KCNQ2: variants seen among roughly 807,000 people sequenced by gnomAD.
KCNQ2 encodes the protein potassium voltage-gated channel subfamily Q member 2.
Under a neutral mutation model 84.8 loss-of-function variants are expected in KCNQ2, and 14 were observed. The ratio of observed to expected loss-of-function variants is 0.17; its 90% CI spans 0.11 to 0.26. The LOEUF (loss-of-function observed/expected upper bound fraction) is 0.26. Ranked by LOEUF, KCNQ2 falls within the 10% of genes least tolerant of loss-of-function variation. The pLI is 1.00. For missense variants in KCNQ2, 788 were observed against 1,254.0 expected, an observed-to-expected ratio of 0.63 and a Z score of 5.61; for synonymous variants, 599 against 554.1, an observed-to-expected ratio of 1.08 and a Z score of -1.14.
chr20:63,417,835 C>A (rs1032913045), intron 12 of KCNQ2, among the ~76,000 whole-genome samples: 1 of 152,190 alleles, frequency 6.6e-6, no homozygotes, highest in Non-Finnish European at 1.5e-5. Context: ...GGCAGACACA[C>A]CCTGCTGGAC....
rs779048799 is a variant in KCNQ2 at position 63,414,044 on chromosome 20, C to T, written c.1631+44G>A. The T allele has an allele frequency of 1.4e-6, 2 of 1,444,412 alleles. No individual in the cohort carries two copies. The highest frequency in any genetic ancestry group is 9.7e-7 in the Non-Finnish European group (1 of 1,026,632). 89.5% of individuals were successfully genotyped at this position (1,444,412 alleles called of 1,614,324 possible). ...GCAGGCAGGACCACCGAGCGGGAGG[C>T]CCCTCCTCACTCCCCCAGGCTCCCG... On this transcript the variant is annotated intron_variant, in intron 14 of 16. Transcript: ENST00000359125. This position sits in a 1 kb window ranked among gnomAD's most constrained non-coding sequence, Gnocchi z 6.6.
At chr20:63,470,145 G>A (rs936380309) in intron 1 of KCNQ2, among the ~76,000 whole-genome samples, 6 of 152,284 alleles carry the variant, frequency 3.9e-5, no homozygotes, top group East Asian at 1.9e-4. Context: ...CTCCAGCCCC[G>A]CCGCTTAGAA....
chr20:63,433,753 A>C (rs2080898842), intron 8 of KCNQ2, 56 bp downstream of exon 8: 1 of 1,613,240 alleles, frequency 6.2e-7, no homozygotes, highest in Non-Finnish European at 8.5e-7. Flanking sequence ...GTTTAAGAAC[A>C]AATGGAAAAT....
At chr20:63,419,580 T>C in intron 12 of KCNQ2, 39 bp downstream of exon 12, 1 of 1,587,002 alleles carries the variant, frequency 6.3e-7, no homozygotes, top group Non-Finnish European at 8.6e-7. Context: ...AGAGGAGCCG[T>C]GCAGCAGCCG....
rs540854321 is a variant in KCNQ2 at position 63,400,740 on chromosome 20, G to C, written c.*5904C>G. The C allele has an allele frequency of 1.0e-3, 415 of 398,508 alleles. No homozygotes were observed. The highest frequency in any genetic ancestry group is 2.6e-3 in the Admixed American group (59 of 22,736). 24.7% of individuals were successfully genotyped at this position (398,508 alleles called of 1,614,324 possible). The stretch of plus-strand genomic sequence containing the variant: ...GGCACACGTGGGCCGTGTGGATCCC[G>C]GGCAGAGGGATGGCGTCCAGCGGGA... On this transcript the variant is annotated 3_prime_UTR_variant, in exon 17 of 17. Transcript: ENST00000359125. This position sits in a 1 kb window ranked among gnomAD's most constrained non-coding sequence, Gnocchi z 8.7.
intron 11 of KCNQ2, among the ~76,000 whole-genome samples, chr20:63,420,871 CTGTT>C (rs111612722): frequency 0.012 from 1,788 of 152,302 alleles, 39 homozygotes; most frequent in African/African-American, 0.041. Context: ...AGGCTGGACT[CTGTT>C]TGCTGGTTAA....
At chr20:63,442,888 C>A (rs1004897214) in intron 4 of KCNQ2, among the ~76,000 whole-genome samples, 1 of 50,810 alleles carries the variant, frequency 2.0e-5, no homozygotes. Context: ...TCACCACCAC[C>A]ATCACCACCA....
At chr20:63,428,655 G>A (rs1377898558) in intron 9 of KCNQ2, among the ~76,000 whole-genome samples, 2 of 152,154 alleles carry the variant, frequency 1.3e-5, no homozygotes, top group African/African-American at 4.8e-5. Context: ...GGCTGTGCCT[G>A]GGGCCTTGTC....
At chr20:63,457,717 A>C (rs1281579146) in intron 1 of KCNQ2, among the ~76,000 whole-genome samples, 1 of 152,208 alleles carries the variant, frequency 6.6e-6, no homozygotes, top group African/African-American at 2.4e-5. Context: ...CAAGGCCCAC[A>C]GGGACCCCCA....
chr20:63,419,791 T>C (rs1263408031), intron 11 of KCNQ2, 119 bp from the exon 12 acceptor site: 2 of 916,992 alleles, frequency 2.2e-6, no homozygotes, highest in Non-Finnish European at 3.5e-6. Flanking sequence ...GCGGCAGAGC[T>C]TGCGCCCAAG....
In KCNQ2 at chr20:63,424,149, C is replaced by T. The variant is rs142076272; in HGVS notation, c.1247+28G>A. The T allele has an allele frequency of 1.1e-3, 1,639 of 1,553,708 alleles. 9 individuals are homozygous for T. In the African/African-American group the frequency reaches 0.02, roughly 19 times the overall value. On this transcript the variant is annotated intron_variant, in intron 11 of 16. Transcript: ENST00000359125. ...ACCAGACGGCCGTGCACACGGCAGA[C>T]ACCAGGGTAGCAGCAGGGGGCACTG...
chr20:63,467,408 C>G (rs1055239540), intron 1 of KCNQ2, among the ~76,000 whole-genome samples: 9 of 152,134 alleles, frequency 5.9e-5, no homozygotes, highest in African/African-American at 2.2e-4. Flanking sequence ...GAGGCTAGCC[C>G]GGCTCCTGTG....
In KCNQ2 at chr20:63,408,219, G is replaced by A. The variant is rs2080007831; in HGVS notation, c.1887+194C>T. 7.2e-6 allele frequency: 5 copies of A among 695,572 alleles called. No homozygotes were observed. Among genetic ancestry groups the A allele is most frequent in the Non-Finnish European group, 1.2e-5 (5 of 421,944 alleles). 43.1% of individuals were successfully genotyped at this position (695,572 alleles called of 1,614,324 possible). ...GTACTGTCAGGAGGGAAGGCACCCA[G>A]GCCGGGGGTGGGAGGCTCACGGTGG... On this transcript the variant is annotated intron_variant, in intron 16 of 16. Transcript: ENST00000359125. The surrounding 1 kb of genome is among the most constrained non-coding windows in gnomAD (Gnocchi z 5.0).
rs533084857 is a variant in KCNQ2 at position 63,445,474 on chromosome 20, G to A, written c.388-110C>T. ...GCCCAGGGACCAAGCCACAGGGCAG[G>A]AGGCCCCCAAAGGAAACTGCAAGCT... is the stretch of plus-strand genomic sequence containing the variant. On this transcript the variant is annotated intron_variant, in intron 2 of 16. Coordinates refer to ENST00000359125, the MANE Select transcript of KCNQ2 (RefSeq NM_172107.4). The A allele has an allele frequency of 1.6e-4, 205 of 1,310,912 alleles. 2 individuals are homozygous for A. In the South Asian group the frequency reaches 1.7e-3, roughly 11 times the overall value. 81.2% of individuals were successfully genotyped at this position (1,310,912 alleles called of 1,614,324 possible).
chr20:63,423,903 G>C (rs1601603168), intron 11 of KCNQ2: 7 of 531,480 alleles, frequency 1.3e-5, no homozygotes, highest in Non-Finnish European at 2.0e-5. Context: ...TGTGGGCGGG[G>C]TGGGGGATCC....
intron 12 of KCNQ2, among the ~76,000 whole-genome samples, chr20:63,415,861 C>T (rs1208500119): frequency 6.6e-6 from 1 of 152,132 alleles, no homozygotes; most frequent in East Asian, 1.9e-4. Flanking sequence ...AGCAGCCTCC[C>T]TCCTCCCCTC....
intron 1 of KCNQ2, among the ~76,000 whole-genome samples, chr20:63,456,379 C>T (rs531766403): frequency 6.6e-6 from 1 of 152,228 alleles, no homozygotes; most frequent in African/African-American, 2.4e-5. Context: ...CCAGCCCCCT[C>T]GCTCTGCGAC....
intron 1 of KCNQ2, among the ~76,000 whole-genome samples, chr20:63,458,314 A>G (rs188610742): frequency 2.0e-3 from 312 of 152,288 alleles, no homozygotes; most frequent in African/African-American, 7.2e-3. Flanking sequence ...CCCTGAAGAT[A>G]GACCCCACCC....
chr20:63,439,752 C>A lies in KCNQ2; in HGVS notation c.817-44G>T, dbSNP rs757874386. Reference sequence around the variant, plus strand: ...TAGTCACACGAAGGGCCTGCTCACACCCCTGAGGGCAGGCTGGACGCCCGC... The same window carrying A: ...TAGTCACACGAAGGGCCTGCTCACAACCCTGAGGGCAGGCTGGACGCCCGC... On this transcript the variant is annotated intron_variant, in intron 5 of 16. Coordinates refer to ENST00000359125, the MANE Select transcript of KCNQ2 (RefSeq NM_172107.4). 3 of 1,447,130 alleles carry A rather than the reference C, an allele frequency of 2.1e-6. No homozygotes were observed. The South Asian group carries it at 3.4e-5, about 16-fold the overall frequency. The allele number at this position is 1,447,130 out of a possible 1,614,324, so 89.6% of individuals were successfully genotyped here. A position where few individuals can be genotyped will look rare whatever the true frequency, so the allele number is the denominator to read the frequency against.
Sources: gnomAD v4.1 joint callset for allele counts (sites outside exome capture counted in the v4.1 genomes callset) on GRCh38, gnomAD v4.1.1 for gene constraint, Gnocchi (gnomAD v3.1) non-coding constraint, MANE v1.5 for transcripts, NCBI Gene and HGNC (gene_info 2026-07-23, HGNC 2026-07-21) for gene names.